The following BNC2 variants were observed in gnomAD, a reference collection of about 807,000 sequenced individuals.
BNC2 encodes the protein basonuclin zinc finger protein 2, also known as zinc finger protein basonuclin-2.
BNC2 carries 20 observed loss-of-function variants against 76.3 expected under a neutral mutation model. That is an observed-to-expected ratio of 0.26 (90% CI 0.18 to 0.38). The LOEUF is 0.38. Ranked by LOEUF, BNC2 falls within the 10% of genes least tolerant of loss-of-function variation. The probability of loss-of-function intolerance (pLI) is 1.00; values close to 1 mark genes in which losing one functional copy is unlikely to be tolerated. For synonymous variants in BNC2, 582 were observed against 514.8 expected, an observed-to-expected ratio of 1.13 and a Z score of -1.77; for missense variants, 1,382 against 1,399.8, an observed-to-expected ratio of 0.99 and a Z score of 0.20.
chr9:16,644,091 T>A (rs1007942490), intron 3 of BNC2, among the ~76,000 whole-genome samples: 1 of 152,174 alleles, frequency 6.6e-6, no homozygotes. Flanking sequence ...GTAACCTACA[T>A]CAAAAGACTT....
intron 1 of BNC2, among the ~76,000 whole-genome samples, chr9:16,824,955 A>G (rs1410196450): frequency 6.6e-6 from 1 of 152,198 alleles, no homozygotes; most frequent in Non-Finnish European, 1.5e-5. Flanking sequence ...TTTAGTTGTC[A>G]GCCTAAACCT....
rs760380601 is a variant in BNC2 at position 16,738,447 on chromosome 9, A to G, written c.42T>C (p.Asn14=). The G allele has an allele frequency of 5.6e-6, 9 of 1,614,120 alleles. No homozygotes were observed. The highest frequency in any genetic ancestry group is 2.5e-6 in the Non-Finnish European group (3 of 1,179,986). The change falls in exon 2 of 7, where the codon AAT becomes AAC. Residue 14 remains asparagine, a synonymous_variant. Transcript: ENST00000380672. ...LGPTPPPHSL[N]YKSEDRLSEQ... ...CACTAAGCCTGTCCTCTGATTTGTA[A>G]TTAAGGCTATGTGGAGGTGGGGTGG...
intron 5 of BNC2, among the ~76,000 whole-genome samples, chr9:16,507,814 T>G (rs1822664670): frequency 1.3e-5 from 2 of 152,208 alleles, no homozygotes; most frequent in Non-Finnish European, 2.9e-5. Flanking sequence ...TGAACCTTAA[T>G]TACACATAGC....
chr9:16,722,306 C>T (rs10810597), intron 3 of BNC2, among the ~76,000 whole-genome samples: 69,308 of 152,056 alleles, frequency 0.46, 19,000 homozygotes, highest in East Asian at 0.88. Context: ...TCTAATTAGT[C>T]AGGGAGGATT....
chr9:16,480,566 C>A (rs1249757927), intron 5 of BNC2, among the ~76,000 whole-genome samples: 1 of 152,164 alleles, frequency 6.6e-6, no homozygotes, highest in Non-Finnish European at 1.5e-5. Flanking sequence ...AGCTGGAGTT[C>A]CGGGTGGGCG....
At chr9:16,756,169 C>A (rs570007528) in intron 1 of BNC2, among the ~76,000 whole-genome samples, 23 of 152,284 alleles carry the variant, frequency 1.5e-4, no homozygotes, top group African/African-American at 5.3e-4. Context: ...GATTTTGTCC[C>A]CAACTTCATA....
chr9:16,645,163 T>A (rs954858969), intron 3 of BNC2, among the ~76,000 whole-genome samples: 1 of 152,152 alleles, frequency 6.6e-6, no homozygotes, highest in Non-Finnish European at 1.5e-5. Context: ...TCCTTGAACC[T>A]TGGCTTGGAT....
chr9:16,544,923 C>T (rs1169345370), intron 5 of BNC2, among the ~76,000 whole-genome samples: 5 of 151,958 alleles, frequency 3.3e-5, no homozygotes, highest in Non-Finnish European at 7.4e-5. Flanking sequence ...CTGGTTATTG[C>T]ACTACATACT....
At chr9:16,628,385 A>C (rs1332214540) in intron 3 of BNC2, among the ~76,000 whole-genome samples, 1 of 152,072 alleles carries the variant, frequency 6.6e-6, no homozygotes, top group African/African-American at 2.4e-5. Flanking sequence ...ACATTCAAAA[A>C]CCTTAAGTTT....
chr9:16,518,586 TTG>T (rs1563821269), intron 5 of BNC2, among the ~76,000 whole-genome samples: 33 of 112,188 alleles, frequency 2.9e-4, no homozygotes, highest in East Asian at 1.8e-3. Flanking sequence ...ATATTTTTTG[TTG>T]TTGTTGTTGT....
intron 5 of BNC2, among the ~76,000 whole-genome samples, chr9:16,441,261 G>A (rs773611856): frequency 2.8e-4 from 42 of 152,138 alleles, no homozygotes; most frequent in Non-Finnish European, 2.6e-4. Context: ...CCATGATAGT[G>A]CCACTGCACT....
chr9:16,786,005 C>T (rs1227378859), intron 1 of BNC2, among the ~76,000 whole-genome samples: 3 of 151,916 alleles, frequency 2.0e-5, no homozygotes, highest in Admixed American at 6.6e-5. Flanking sequence ...AGGGTAGTCT[C>T]GGGAACCACA....
intron 3 of BNC2, among the ~76,000 whole-genome samples, chr9:16,708,763 G>T (rs945979871): frequency 6.6e-6 from 1 of 152,070 alleles, no homozygotes; most frequent in African/African-American, 2.4e-5. Flanking sequence ...GGAAAAAAGG[G>T]ATTGCTGGCA....
At chr9:16,692,452 G>C (rs756163528) in intron 3 of BNC2, among the ~76,000 whole-genome samples, 33 of 152,154 alleles carry the variant, frequency 2.2e-4, no homozygotes, top group Admixed American at 7.2e-4. Context: ...CCTGTAAAAT[G>C]AGGATACTTA....
intron 1 of BNC2, among the ~76,000 whole-genome samples, chr9:16,763,344 A>C (rs1825605527): frequency 2.0e-5 from 3 of 151,992 alleles, no homozygotes; most frequent in Non-Finnish European, 4.4e-5. Flanking sequence ...CCAAGACAGG[A>C]GTATCGCCTG....
intron 1 of BNC2, among the ~76,000 whole-genome samples, chr9:16,741,609 A>G (rs1824851904): frequency 6.6e-6 from 1 of 152,170 alleles, no homozygotes; most frequent in South Asian, 2.1e-4. Context: ...TGGGAAGTGA[A>G]ATACTTAGAA....
intron 3 of BNC2, among the ~76,000 whole-genome samples, chr9:16,720,168 G>A (rs552085712): frequency 6.6e-6 from 1 of 152,160 alleles, no homozygotes. Flanking sequence ...AGCACTCACA[G>A]AGGACCACAC....
At chr9:16,770,636 C>T (rs10962576) in intron 1 of BNC2, among the ~76,000 whole-genome samples, 17,143 of 139,976 alleles carry the variant, frequency 0.12, 1,195 homozygotes, top group Admixed American at 0.22. Context: ...AAACCCTACC[C>T]TCAAGTCATT....
At chr9:16,828,180 G>A (rs1818496213) in intron 1 of BNC2, among the ~76,000 whole-genome samples, 1 of 152,132 alleles carries the variant, frequency 6.6e-6, no homozygotes. Flanking sequence ...TAAAAATGGA[G>A]TAGCTTAATC....
Sources: allele counts gnomAD v4.1 joint callset (sites outside exome capture counted in the v4.1 genomes callset), GRCh38; gene constraint gnomAD v4.1.1; transcripts MANE v1.5; gene names NCBI Gene and HGNC (gene_info 2026-07-23, HGNC 2026-07-21).